Variants in MAP1LC3A observed in about 807,000 individuals in gnomAD.
MAP1LC3A encodes the protein microtubule-associated protein 1 light chain 3 alpha.
In MAP1LC3A, 10 loss-of-function variants were observed where a neutral mutation model predicts 15.2. The ratio of observed to expected loss-of-function variants is 0.66; its 90% CI spans 0.41 to 1.12. The LOEUF (loss-of-function observed/expected upper bound fraction) is 1.12, where lower values mean the gene tolerates loss of function less well. Among genes scored for constraint, MAP1LC3A ranks in the 50% most tolerant of loss-of-function variants. MAP1LC3A has a pLI of 0.00. For synonymous variants in MAP1LC3A, 63 were observed against 64.3 expected (o/e 0.98, Z 0.10); for missense variants, 138 against 167.3 (o/e 0.82, Z 0.97).
chr20:34,558,724 G>T lies in MAP1LC3A; in HGVS notation c.-145G>T. The stretch of plus-strand genomic sequence containing the variant: ...GTTGTGACCTGACGTCACCGGGCGA[G>T]TTACCTCCCGCAGCCGCAGCCGCCG... On this transcript the variant is annotated 5_prime_UTR_variant, in exon 1 of 4. Transcript: ENST00000360668. This position sits in a 1 kb window ranked among gnomAD's most constrained non-coding sequence, Gnocchi z 4.3. 2 of 1,295,510 alleles carry T rather than the reference G, an allele frequency of 1.5e-6. No homozygotes were observed. Among genetic ancestry groups the T allele is most frequent in the Non-Finnish European group, 9.8e-7 (1 of 1,025,260 alleles). The allele number at this position is 1,295,510 out of a possible 1,614,324, so 80.3% of individuals were successfully genotyped here. A position where few individuals can be genotyped will look rare whatever the true frequency, so the allele number is the denominator to read the frequency against.
intron 3 of MAP1LC3A, 98 bp downstream of exon 3, chr20:34,559,551 G>T (rs139982663): frequency 1.6e-4 from 207 of 1,288,540 alleles, no homozygotes; most frequent in Non-Finnish European, 2.2e-4. Flanking sequence ...TGATGGGACC[G>T]GGCGGTGGGC....
intron 1 of MAP1LC3A, 93 bp downstream of exon 1, chr20:34,559,001 C>A: frequency 7.5e-7 from 1 of 1,338,612 alleles, no homozygotes; most frequent in Non-Finnish European, 9.5e-7. Flanking sequence ...ACGTCAGGCT[C>A]TGGCTGGACC....
intron 1 of MAP1LC3A, among the ~76,000 whole-genome samples, chr20:34,547,126 C>T (rs907670610): frequency 9.2e-5 from 14 of 152,080 alleles, no homozygotes; most frequent in Admixed American, 8.5e-4. Context: ...GAAGGTGCCT[C>T]GCAGGAGAGG....
At chr20:34,549,839 T>C (rs1981880085) in intron 1 of MAP1LC3A, 1 of 678,998 alleles carries the variant, frequency 1.5e-6, no homozygotes, top group Non-Finnish European at 2.6e-6. Flanking sequence ...CAGTCTTCAA[T>C]CTCGTCCAGA....
At chr20:34,558,659 G>A (rs1982255538), upstream of MAP1LC3A, 1 of 1,235,982 alleles carries the variant, frequency 8.1e-7, no homozygotes, top group Non-Finnish European at 1.0e-6. The surrounding 1 kb of genome is among the most constrained non-coding windows in gnomAD (Gnocchi z 4.3). Flanking sequence ...TTGTGCGTCG[G>A]CCCAATGGGA....
At chr20:34,554,258 TTAC>T (rs1429270195), upstream of MAP1LC3A, among the ~76,000 whole-genome samples, 1 of 152,192 alleles carries the variant, frequency 6.6e-6, no homozygotes, top group African/African-American at 2.4e-5. Context: ...TGAATTGTCT[TTAC>T]TAGCCATTTG....
rs1600575819 is a variant in MAP1LC3A at position 34,560,190 on chromosome 20, A to C, written c.*292A>C. On this transcript the variant is annotated 3_prime_UTR_variant, in exon 4 of 4. Coordinates refer to ENST00000360668, the MANE Select transcript of MAP1LC3A (RefSeq NM_032514.4). ...TTTTTAGGCCCCTGCCTGTCTGCCC[A>C]TCTGCCCCTCACCCACCCGAGGCTC... The C allele has an allele frequency of 3.1e-6, 1 of 319,818 alleles. No homozygotes were observed. Among genetic ancestry groups the C allele is most frequent in the Non-Finnish European group, 5.8e-6 (1 of 171,554 alleles). 19.8% of individuals were successfully genotyped at this position (319,818 alleles called of 1,614,324 possible).
At chr20:34,549,951 A>G (rs1183419198) in exon 2 of MAP1LC3A, 7 of 1,611,910 alleles carry the variant, frequency 4.3e-6, no homozygotes, top group Non-Finnish European at 5.9e-6. Flanking sequence ...CCTCAGAGGT[A>G]GTTCTGACAC....
chr20:34,552,372 G>A (rs143577486), intron 2 of MAP1LC3A, among the ~76,000 whole-genome samples: 126 of 152,360 alleles, frequency 8.3e-4, no homozygotes, highest in Admixed American at 2.2e-3. Flanking sequence ...GTGTTTGAAC[G>A]CTTTCATAAT....
At chr20:34,559,551 G>A (rs139982663) in intron 3 of MAP1LC3A, 98 bp downstream of exon 3, 8 of 1,288,660 alleles carry the variant, frequency 6.2e-6, no homozygotes, top group South Asian at 1.3e-5. Flanking sequence ...TGATGGGACC[G>A]GGCGGTGGGC....
chr20:34,549,774 A>G lies in MAP1LC3A; in HGVS notation c.-73-131A>G, dbSNP rs369043662. 37 of 528,622 alleles carry G rather than the reference A, an allele frequency of 7.0e-5. 2 individuals carry two copies. The East Asian group carries it at 7.1e-4, about 10-fold the overall frequency. 32.7% of individuals were successfully genotyped at this position (528,622 alleles called of 1,614,324 possible). On this transcript the variant is annotated intron_variant, in intron 1 of 4. Transcript: ENST00000374837. ...GTTGCCATGGCAATGGTAAACTGCCATGGCACTGGTGGGCGTGTCTTAGGG... is the reference window on the plus strand; with the variant it reads ...GTTGCCATGGCAATGGTAAACTGCCGTGGCACTGGTGGGCGTGTCTTAGGG...
intron 1 of MAP1LC3A, among the ~76,000 whole-genome samples, chr20:34,548,357 G>A (rs1197861251): frequency 2.0e-5 from 3 of 152,176 alleles, no homozygotes; most frequent in African/African-American, 4.8e-5. Flanking sequence ...CGAAGGCCGC[G>A]GGGAGCCAAC....
At chr20:34,558,580 C>T (rs1982249396), upstream of MAP1LC3A, 1 of 1,194,864 alleles carries the variant, frequency 8.4e-7, no homozygotes, top group African/African-American at 1.6e-5. The surrounding 1 kb of genome is among the most constrained non-coding windows in gnomAD (Gnocchi z 4.3). Context: ...CCAGAAGCCC[C>T]GCCCCTCGCG....
At chr20:34,556,739 G>C (rs1219898022), upstream of MAP1LC3A, among the ~76,000 whole-genome samples, 1 of 152,144 alleles carries the variant, frequency 6.6e-6, no homozygotes, top group Admixed American at 6.5e-5. Flanking sequence ...TGGGATGACA[G>C]GCGTGCACCA....
chr20:34,551,467 C>CTTTTTTTTTT (rs58191574), intron 2 of MAP1LC3A, among the ~76,000 whole-genome samples: 3 of 104,806 alleles, frequency 2.9e-5, no homozygotes, highest in African/African-American at 3.8e-5. Flanking sequence ...GAACGCTGTC[C>CTTTTTTTTTT]TTTTTTTTTT....
intron 2 of MAP1LC3A, among the ~76,000 whole-genome samples, chr20:34,551,245 CAAA>C (rs529127786): frequency 3.2e-5 from 4 of 124,972 alleles, no homozygotes; most frequent in Non-Finnish European, 3.4e-5. Context: ...GACTCTGTCT[CAAA>C]AAAAAAAAAA....
upstream of MAP1LC3A, among the ~76,000 whole-genome samples, chr20:34,554,866 T>C (rs559017601): frequency 1.1e-3 from 173 of 151,254 alleles, 1 homozygote; most frequent in Non-Finnish European, 2.3e-3. Context: ...TTGTATTTTG[T>C]ATTTTTTGTA....
upstream of MAP1LC3A, chr20:34,558,456 G>T (rs919229265): frequency 1.0e-6 from 1 of 1,003,580 alleles, no homozygotes; most frequent in Admixed American, 6.0e-5. This position sits in a 1 kb window ranked among gnomAD's most constrained non-coding sequence, Gnocchi z 4.3. Flanking sequence ...CTGCAGCCTG[G>T]CCCGCCCGCT....
chr20:34,559,540 G>GTGA, intron 3 of MAP1LC3A, 87 bp downstream of exon 3: 1 of 1,353,368 alleles, frequency 7.4e-7, no homozygotes, highest in Admixed American at 1.9e-5. Context: ...GGGGTCAGGG[G>GTGA]TGATGGGACC....
Sources: allele counts gnomAD v4.1 joint callset (sites outside exome capture counted in the v4.1 genomes callset), GRCh38; gene constraint gnomAD v4.1.1; non-coding constraint Gnocchi (gnomAD v3.1); transcripts MANE v1.5; gene names NCBI Gene and HGNC (gene_info 2026-07-23, HGNC 2026-07-21).